FNTA: variants seen among roughly 807,000 people sequenced by gnomAD.
The protein encoded by FNTA is protein farnesyltransferase/geranylgeranyltransferase type-1 subunit alpha.
In FNTA, 27 loss-of-function variants were observed where a neutral mutation model predicts 55.2. The ratio of observed to expected loss-of-function variants is 0.49; its 90% CI spans 0.36 to 0.67. The LOEUF is 0.67. FNTA is among the 30% of genes least tolerant of loss of function. FNTA has a pLI of 0.00. For missense variants in FNTA, 422 were observed against 464.7 expected (o/e 0.91, Z 0.85); for synonymous variants, 176 against 170.7 (o/e 1.03, Z -0.24).
Position 43,059,192 on chromosome 8 carries a change from A to T in FNTA, c.286+15A>T. The T allele has an allele frequency of 6.3e-7, 1 of 1,586,088 alleles. No homozygotes were observed. On this transcript the variant is annotated intron_variant, in intron 2 of 8. Coordinates refer to ENST00000302279, the MANE Select transcript of FNTA (RefSeq NM_002027.3). The stretch of plus-strand genomic sequence containing the variant: ...TAGTGACAAATGTAAGTTTGTTTAT[A>T]TTAGGAAAAGGTCTGTAAGTTAAAT...
Position 43,056,509 on chromosome 8 carries a change from T to C in FNTA, c.163T>C (p.Phe55Leu), listed in dbSNP as rs1210992864. 1 of 1,565,842 alleles carries C rather than the reference T, an allele frequency of 6.4e-7. No individual in the cohort carries two copies. Among genetic ancestry groups the C allele is most frequent in the Admixed American group, 1.8e-5 (1 of 54,310 alleles). ...CGTGGCGTCCCCCATGGACGACGGG[T>C]TTGTGAGCCTGGACTCGCCCTCCTA... is the stretch of plus-strand genomic sequence containing the variant. ...EAVASPMDDG[F>L]VSLDSPSYVL... Residue 55 changes from phenylalanine (F) to leucine (L), a missense_variant, in exon 1 of 9, where the codon TTT becomes CTT. By Grantham distance (22) the Phe-to-Leu change is conservative (BLOSUM62 0). Transcript: ENST00000302279.
rs538838889 is a variant in FNTA at position 43,083,114 on chromosome 8, G to T, written c.783-4G>T. 5 of 1,514,524 alleles carry T rather than the reference G, an allele frequency of 3.3e-6. No individual in the cohort carries two copies. The South Asian group carries it at 5.9e-5, about 18-fold the overall frequency. 93.8% of individuals were successfully genotyped at this position (1,514,524 alleles called of 1,614,324 possible). ...AAAATTGTATATATATATTTTTCTT[G>T]CAGATACACTCTGGAAATGATTAAA... On this transcript the variant is annotated splice_polypyrimidine_tract_variant and splice_region_variant and intron_variant, in intron 6 of 8. Transcript: ENST00000302279.
chr8:43,071,067 A>ATG (rs1810778518), intron 4 of FNTA, among the ~76,000 whole-genome samples: 1 of 152,186 alleles, frequency 6.6e-6, no homozygotes, highest in African/African-American at 2.4e-5. Flanking sequence ...TTTTCCAGGC[A>ATG]TGTAGAATAG....
chr8:43,069,521 T>C (rs576571570), intron 3 of FNTA, 34 bp from the exon 4 acceptor site: 1 of 1,332,652 alleles, frequency 7.5e-7, no homozygotes, highest in South Asian at 1.2e-5. Flanking sequence ...TTCTGTGTAA[T>C]AATGCGACTT....
At chr8:43,061,760 C>T (rs1459285612) in intron 2 of FNTA, among the ~76,000 whole-genome samples, 1 of 151,752 alleles carries the variant, frequency 6.6e-6, no homozygotes. Context: ...GCTCTTGTTG[C>T]CCAGGCTGGA....
Position 43,064,329 on chromosome 8 carries a change from G to C in FNTA, c.401+114G>C. 4.6e-6 allele frequency: 3 copies of C among 655,274 alleles called. No individual in the cohort carries two copies. In the South Asian group the frequency reaches 5.6e-5, roughly 12 times the overall value. 40.6% of individuals were successfully genotyped at this position (655,274 alleles called of 1,614,324 possible). On this transcript the variant is annotated intron_variant, in intron 3 of 8. Transcript: ENST00000302279. ...AACTGTACTTTATTTTTTTTGGAGG[G>C]GGGTGCAGTTTCACTCTTGTTGCCC...
At chr8:43,057,949 T>G (rs113229483) in intron 1 of FNTA, among the ~76,000 whole-genome samples, 1,570 of 135,036 alleles carry the variant, frequency 0.012, 15 homozygotes, top group Non-Finnish European at 0.018. Flanking sequence ...AGAGCGTGAC[T>G]CCATCTCAAA....
At chr8:43,073,107 TG>T (rs1044425104) in intron 5 of FNTA, among the ~76,000 whole-genome samples, 2 of 152,226 alleles carry the variant, frequency 1.3e-5, no homozygotes, top group African/African-American at 4.8e-5. Context: ...TTCCAGGGAT[TG>T]CTACTTTCTG....
At position 43,082,024 on chromosome 8, in the gene FNTA, T is replaced by G. The variant is rs538297244; in HGVS notation, c.783-1094T>G. ...AAATAATTGGAAACATTAAGTCATG[T>G]AAAAGTAGTTGGAAAAGTATTTTTA... is the stretch of plus-strand genomic sequence containing the variant. On this transcript the variant is annotated intron_variant, in intron 6 of 8. Transcript: ENST00000302279. The G allele has an allele frequency of 3.3e-5, 5 of 152,330 alleles. No individual in the cohort carries two copies. In the South Asian group the frequency reaches 1.0e-3, roughly 32 times the overall value. 9.4% of individuals were successfully genotyped at this position (152,330 alleles called of 1,614,324 possible). A position where few individuals can be genotyped will look rare whatever the true frequency, so the allele number is the denominator to read the frequency against.
At chr8:43,074,568 C>T (rs554174786) in intron 5 of FNTA, among the ~76,000 whole-genome samples, 243 of 151,648 alleles carry the variant, frequency 1.6e-3, no homozygotes, top group African/African-American at 5.0e-3. Context: ...CACACACACA[C>T]ACTACTACTC....
At chr8:43,064,502 A>G (rs1234411913) in intron 3 of FNTA, among the ~76,000 whole-genome samples, 1 of 151,948 alleles carries the variant, frequency 6.6e-6, no homozygotes, top group Non-Finnish European at 1.5e-5. Context: ...TTTAGTAGAG[A>G]CAGGGTTTCA....
intron 2 of FNTA, chr8:43,063,432 C>T (rs1288839921): frequency 2.6e-6 from 1 of 391,274 alleles, no homozygotes; most frequent in Non-Finnish European, 5.0e-6. Flanking sequence ...CTTTCTAGAG[C>T]TGGAATTACT....
intron 2 of FNTA, among the ~76,000 whole-genome samples, chr8:43,061,538 T>C (rs1186149394): frequency 1.3e-5 from 2 of 152,310 alleles, no homozygotes; most frequent in South Asian, 2.1e-4. Context: ...AAGCAAGATA[T>C]TGGAAGCTAT....
intron 5 of FNTA, among the ~76,000 whole-genome samples, chr8:43,072,550 A>AC (rs1019107359): frequency 9.9e-5 from 15 of 151,920 alleles, no homozygotes; most frequent in Admixed American, 2.0e-4. Context: ...ACAAAGTGAG[A>AC]CCCCCGTCTC....
intron 6 of FNTA, chr8:43,078,885 AC>A (rs1810966612): frequency 6.6e-6 from 1 of 152,302 alleles, no homozygotes; most frequent in Non-Finnish European, 1.5e-5. Flanking sequence ...GCTCCAGTGA[AC>A]ACCTGGACAA....
At chr8:43,078,072 A>G (rs1479707611) in intron 6 of FNTA, 1 of 152,202 alleles carries the variant, frequency 6.6e-6, no homozygotes, top group East Asian at 1.9e-4. Flanking sequence ...GCTGATTTGT[A>G]TAGTGCATCT....
intron 4 of FNTA, among the ~76,000 whole-genome samples, chr8:43,070,710 C>T (rs1039897947): frequency 5.3e-5 from 8 of 152,182 alleles, no homozygotes; most frequent in Non-Finnish European, 7.3e-5. Flanking sequence ...TCTAATTATC[C>T]GCTCTGTTCG....
Position 43,056,338 on chromosome 8 carries a change from C to T in FNTA, c.-9C>T. On this transcript the variant is annotated 5_prime_UTR_variant, in exon 1 of 9. Transcript: ENST00000302279. ...CTCCGCCACCACCTCAGCTGCGGAC[C>T]GAGGCGAGATGGCGGCCACCGAGGG... 1 of 1,408,768 alleles carries T rather than the reference C, an allele frequency of 7.1e-7. No homozygotes were observed. The highest frequency in any genetic ancestry group is 9.2e-7 in the Non-Finnish European group (1 of 1,090,172). The allele number at this position is 1,408,768 out of a possible 1,614,324, so 87.3% of individuals were successfully genotyped here.
intron 2 of FNTA, among the ~76,000 whole-genome samples, chr8:43,061,152 G>A (rs181412706): frequency 1.3e-3 from 191 of 152,310 alleles, no homozygotes; most frequent in African/African-American, 4.5e-3. Context: ...CGAATGTTTA[G>A]CCATTTTGGA....
Sources: gnomAD v4.1 joint callset for allele counts (sites outside exome capture counted in the v4.1 genomes callset) on GRCh38, gnomAD v4.1.1 for gene constraint, MANE v1.5 for transcripts, NCBI Gene and HGNC (gene_info 2026-07-23, HGNC 2026-07-21) for gene names.